Variants in RUBCN observed in about 807,000 individuals in gnomAD.
RUBCN encodes rubicon autophagy regulator.
In RUBCN, 74 loss-of-function variants were observed where a neutral mutation model predicts 113.2. The observed-to-expected ratio is 0.65, with a 90% CI of 0.54 to 0.79. The LOEUF is 0.79. RUBCN is among the 30% of genes least tolerant of loss of function. The probability of loss-of-function intolerance (pLI) is 0.00; values close to 1 mark genes in which losing one functional copy is unlikely to be tolerated. For missense variants in RUBCN, 1,109 were observed against 1,251.7 expected, an observed-to-expected ratio of 0.89 and a Z score of 1.72; for synonymous variants, 480 against 490.0, an observed-to-expected ratio of 0.98 and a Z score of 0.27.
At position 197,674,908 on chromosome 3, in the gene RUBCN, TAAAAAA is replaced by T; in HGVS notation, c.*104_*109del. 3.2e-6 allele frequency: 2 copies of T among 625,644 alleles called. No homozygotes were observed. Among genetic ancestry groups the T allele is most frequent in the Non-Finnish European group, 2.5e-6 (1 of 406,760 alleles). 38.8% of individuals were successfully genotyped at this position (625,644 alleles called of 1,614,324 possible). On this transcript the variant is annotated 3_prime_UTR_variant, in exon 20 of 20. Coordinates refer to ENST00000296343, the MANE Select transcript of RUBCN (RefSeq NM_014687.4). ...AAAAAAAAAAAAAGATGATGATAAT[TAAAAAA>T]AAAAAAAAAAAAAGAAGCCCCAGGT...
At chr3:197,706,655 G>C (rs902783003) in intron 2 of RUBCN, among the ~76,000 whole-genome samples, 1 of 152,034 alleles carries the variant, frequency 6.6e-6, no homozygotes, top group African/African-American at 2.4e-5. Context: ...CTACACTCCA[G>C]CCTGGATGAC....
chr3:197,717,398 C>T (rs1463664120), intron 2 of RUBCN, among the ~76,000 whole-genome samples: 51 of 145,410 alleles, frequency 3.5e-4, no homozygotes, highest in African/African-American at 1.2e-3. Flanking sequence ...GAGCCAAGAT[C>T]GCACCACCGC....
rs1220579244 is a variant in RUBCN, at chr3:197,670,713, G to T, written c.*4305C>A. Among the ~76,000 whole-genome samples the T allele has an allele frequency of 6.6e-6, 1 of 152,202 alleles. No individual in the cohort carries two copies. Among genetic ancestry groups the T allele is most frequent in the Non-Finnish European group, 1.5e-5 (1 of 68,040 alleles). On this transcript the variant is annotated 3_prime_UTR_variant, in exon 20 of 20. Coordinates refer to ENST00000296343, the MANE Select transcript of RUBCN (RefSeq NM_014687.4). ...TCTCAGTTTAATTTGTAAATATGAA[G>T]ATTTTTAAATATGTAGGGTGTGTTT...
Position 197,674,925 on chromosome 3 carries a change from AAAG to A in RUBCN, c.*90_*92del, listed in dbSNP as rs1720174134. On this transcript the variant is annotated 3_prime_UTR_variant, in exon 20 of 20. Transcript: ENST00000296343. ...ATGATAATTAAAAAAAAAAAAAAAA[AAAG>A]AAGCCCCAGGTGGGGCGAGTCCTTC... The A allele has an allele frequency of 1.0e-4, 111 of 1,104,074 alleles. No individual in the cohort carries two copies. The highest frequency in any genetic ancestry group is 3.9e-4 in the South Asian group (23 of 58,636). 68.4% of individuals were successfully genotyped at this position (1,104,074 alleles called of 1,614,324 possible). A position where few individuals can be genotyped will look rare whatever the true frequency, so the allele number is the denominator to read the frequency against.
intron 2 of RUBCN, among the ~76,000 whole-genome samples, chr3:197,712,799 A>G (rs918859631): frequency 2.0e-5 from 3 of 152,242 alleles, no homozygotes; most frequent in Non-Finnish European, 4.4e-5. Flanking sequence ...GCTATTTTGC[A>G]GATGATCATA....
In RUBCN at chr3:197,669,113, T is replaced by C. The variant is rs1337594609; in HGVS notation, c.*5905A>G. On this transcript the variant is annotated 3_prime_UTR_variant, in exon 20 of 20. Coordinates refer to ENST00000296343, the MANE Select transcript of RUBCN (RefSeq NM_014687.4). ...TAGATCCACAGTAAAGTTGCAAAGA[T>C]AGTACAAATTCGTCACATAGCCCTC... 1.3e-5 allele frequency among the ~76,000 whole-genome samples: 2 copies of C among 152,226 alleles called. No homozygotes were observed. Among genetic ancestry groups the C allele is most frequent in the African/African-American group, 2.4e-5 (1 of 41,458 alleles).
chr3:197,688,443 G>A (rs1281108172), intron 11 of RUBCN, among the ~76,000 whole-genome samples: 2 of 152,186 alleles, frequency 1.3e-5, no homozygotes, highest in Non-Finnish European at 2.9e-5. Flanking sequence ...TACTCCTCAT[G>A]AGCCAGTTTC....
intron 5 of RUBCN, 72 bp from the exon 6 acceptor site, chr3:197,701,936 G>C: frequency 1.4e-6 from 2 of 1,410,718 alleles, no homozygotes; most frequent in Non-Finnish European, 2.0e-6. Flanking sequence ...GGGCAACGCA[G>C]TACTGCAGAA....
At chr3:197,736,195 C>T (rs927426356) in intron 1 of RUBCN, among the ~76,000 whole-genome samples, 15 of 152,186 alleles carry the variant, frequency 9.9e-5, no homozygotes, top group African/African-American at 3.1e-4. Flanking sequence ...TAAGCTTCTT[C>T]CGAGGCCACT....
In RUBCN at chr3:197,681,378, C is replaced by T. The variant is rs186962874; in HGVS notation, c.2192-11G>A. On this transcript the variant is annotated splice_polypyrimidine_tract_variant and intron_variant, in intron 15 of 19. Coordinates refer to ENST00000296343, the MANE Select transcript of RUBCN (RefSeq NM_014687.4). The surrounding 1 kb of genome is among the most constrained non-coding windows in gnomAD (Gnocchi z 5.5). ...GTCGCTTGATGTAATCTGGAAAAAC[C>T]GGAAAGCCAGAAAGCCAGATGTAAC... is the stretch of plus-strand genomic sequence containing the variant. 3.5e-5 allele frequency: 56 copies of T among 1,602,312 alleles called. No individual in the cohort carries two copies. Among genetic ancestry groups the T allele is most frequent in the Non-Finnish European group, 2.8e-5 (33 of 1,169,432 alleles).
chr3:197,701,226 G>C (rs1403852104), intron 6 of RUBCN, 80 bp from the exon 7 acceptor site: 3 of 1,249,096 alleles, frequency 2.4e-6, no homozygotes, highest in Non-Finnish European at 3.3e-6. Flanking sequence ...GGGTGACCAG[G>C]ACATACGATG....
chr3:197,701,045 G>T lies in RUBCN; in HGVS notation c.829C>A (p.Pro277Thr), dbSNP rs190397972. 47 of 1,613,920 alleles carry T rather than the reference G, an allele frequency of 2.9e-5. No individual in the cohort carries two copies. The East Asian group carries it at 1.0e-3, about 35-fold the overall frequency. The part of the protein sequence containing the change: ...PAEDQTIQAP[P>T]VSVSALARDS... ...CTGGCTAGTGCAGAGACTGAAACTG[G>T]GGGGGCTTGGATGGTTTGATCCTCT... Residue 277 changes from proline to threonine, a missense_variant, in exon 7 of 20, where the codon CCA (proline) becomes ACA (threonine). Pro to Thr is a conservative substitution (Grantham distance 38). Coordinates refer to ENST00000296343, the MANE Select transcript of RUBCN (RefSeq NM_014687.4).
chr3:197,741,777 C>G (rs959387631), upstream of RUBCN, among the ~76,000 whole-genome samples: 1 of 151,304 alleles, frequency 6.6e-6, no homozygotes, highest in East Asian at 2.0e-4. Context: ...GAGCTGAGAT[C>G]GCACCACTGC....
intron 1 of RUBCN, among the ~76,000 whole-genome samples, chr3:197,724,141 T>C (rs1726474320): frequency 6.6e-6 from 1 of 152,180 alleles, no homozygotes; most frequent in African/African-American, 2.4e-5. Context: ...TGGGAGGATC[T>C]TGACCACATC....
At chr3:197,711,823 AT>A (rs1195821529) in intron 2 of RUBCN, among the ~76,000 whole-genome samples, 4 of 152,030 alleles carry the variant, frequency 2.6e-5, no homozygotes, top group Non-Finnish European at 5.9e-5. Flanking sequence ...AAAATTAAAT[AT>A]TTTTCAAGTT....
intron 1 of RUBCN, among the ~76,000 whole-genome samples, chr3:197,721,659 T>A (rs1006701465): frequency 6.6e-6 from 1 of 152,150 alleles, no homozygotes; most frequent in Admixed American, 6.5e-5. Context: ...TTGTCCTGGT[T>A]TTCTAGTTTC....
chr3:197,709,442 G>A (rs985880287), intron 2 of RUBCN, among the ~76,000 whole-genome samples: 2 of 151,958 alleles, frequency 1.3e-5, no homozygotes, highest in African/African-American at 4.8e-5. Context: ...GTGCAATGGC[G>A]CGATCTCGGC....
chr3:197,749,469 C>T, exon 1 of RUBCN: 1 of 1,273,140 alleles, frequency 7.9e-7, no homozygotes, highest in Non-Finnish European at 1.0e-6. Flanking sequence ...AGGAGCGTGC[C>T]AGGGAGGGGG....
intron 2 of RUBCN, among the ~76,000 whole-genome samples, chr3:197,711,133 G>C (rs1724920733): frequency 6.6e-6 from 1 of 152,180 alleles, no homozygotes; most frequent in South Asian, 2.1e-4. Flanking sequence ...CTCTGGTGAG[G>C]ATATTTATAT....
Sources: gnomAD v4.1 joint callset for allele counts (sites outside exome capture counted in the v4.1 genomes callset) on GRCh38, gnomAD v4.1.1 for gene constraint, Gnocchi (gnomAD v3.1) non-coding constraint, MANE v1.5 for transcripts, NCBI Gene and HGNC (gene_info 2026-07-23, HGNC 2026-07-21) for gene names.